The following MNAT1 variants were observed in gnomAD, a reference collection of about 807,000 sequenced individuals.
MNAT1 encodes the protein MNAT1 component of CDK activating kinase.
In MNAT1, 43 loss-of-function variants were observed where a neutral mutation model predicts 42.0. The ratio of observed to expected loss-of-function variants is 1.02; its 90% CI spans 0.80 to 1.32. The LOEUF is 1.32. Among genes scored for constraint, MNAT1 ranks in the 40% most tolerant of loss-of-function variants. MNAT1 has a pLI of 0.00. For missense variants in MNAT1, 306 were observed against 350.4 expected (o/e 0.87, Z 1.01); for synonymous variants, 118 against 120.0 (o/e 0.98, Z 0.11).
chr14:60,925,484 C>T (rs1036591945), intron 7 of MNAT1, among the ~76,000 whole-genome samples: 1 of 152,092 alleles, frequency 6.6e-6, no homozygotes, highest in Admixed American at 6.5e-5. Context: ...TCTAGTTATA[C>T]CATGTTCTTC....
At chr14:60,737,035 T>C (rs1489171850) in intron 1 of MNAT1, among the ~76,000 whole-genome samples, 6 of 152,162 alleles carry the variant, frequency 3.9e-5, no homozygotes, top group Non-Finnish European at 7.4e-5. Context: ...ATAAGGACTC[T>C]GTTGTAATTT....
At chr14:60,926,445 G>A (rs976539778) in intron 7 of MNAT1, among the ~76,000 whole-genome samples, 3 of 152,156 alleles carry the variant, frequency 2.0e-5, no homozygotes, top group Non-Finnish European at 4.4e-5. Context: ...CTATACTTCC[G>A]ACCAAACCAG....
intron 1 of MNAT1, among the ~76,000 whole-genome samples, chr14:60,770,428 T>C (rs182885273): frequency 3.2e-4 from 48 of 152,350 alleles, no homozygotes; most frequent in South Asian, 2.1e-4. Context: ...TTGAATTCTT[T>C]GGAATATTTA....
At chr14:60,914,280 G>C (rs2035461369) in intron 7 of MNAT1, among the ~76,000 whole-genome samples, 1 of 152,204 alleles carries the variant, frequency 6.6e-6, no homozygotes, top group South Asian at 2.1e-4. Context: ...TCCCGGGTGA[G>C]GCGATGCCTT....
chr14:60,839,117 T>C (rs1367696812), intron 6 of MNAT1, among the ~76,000 whole-genome samples: 1 of 152,138 alleles, frequency 6.6e-6, no homozygotes, highest in Non-Finnish European at 1.5e-5. Context: ...GATGAAATCC[T>C]ACATTCAAGC....
chr14:60,932,728 C>T (rs2035915657), intron 7 of MNAT1, among the ~76,000 whole-genome samples: 1 of 151,938 alleles, frequency 6.6e-6, no homozygotes, highest in South Asian at 2.1e-4. Flanking sequence ...CAGTTGTTAT[C>T]TATTTCTTAT....
chr14:60,846,423 T>C (rs886127330), intron 6 of MNAT1, among the ~76,000 whole-genome samples: 10 of 152,110 alleles, frequency 6.6e-5, no homozygotes, highest in Admixed American at 5.2e-4. Context: ...ATTTCATTGA[T>C]CTCCATTCTA....
At chr14:60,958,070 C>T (rs907244295) in intron 7 of MNAT1, among the ~76,000 whole-genome samples, 7 of 152,184 alleles carry the variant, frequency 4.6e-5, no homozygotes, top group African/African-American at 1.7e-4. Context: ...CTTCCGACCT[C>T]AGGTGATCTG....
chr14:60,884,709 C>T (rs1237693722), intron 7 of MNAT1, among the ~76,000 whole-genome samples: 1 of 151,938 alleles, frequency 6.6e-6, no homozygotes, highest in Non-Finnish European at 1.5e-5. Flanking sequence ...TTTTAGTTTT[C>T]CTACTTAAGA....
chr14:60,832,548 G>C (rs188072033), intron 6 of MNAT1, among the ~76,000 whole-genome samples: 1 of 152,146 alleles, frequency 6.6e-6, no homozygotes, highest in Non-Finnish European at 1.5e-5. Context: ...TATCTGTTTT[G>C]GTACCAGTAC....
intron 3 of MNAT1, chr14:60,799,135 T>G (rs1042947139): frequency 1.9e-6 from 1 of 537,316 alleles, no homozygotes; most frequent in African/African-American, 2.1e-5. Context: ...TAAGTTCATT[T>G]GTTATGCCAT....
At chr14:60,742,612 C>A (rs574487810) in intron 1 of MNAT1, among the ~76,000 whole-genome samples, 1 of 152,146 alleles carries the variant, frequency 6.6e-6, no homozygotes, top group Non-Finnish European at 1.5e-5. Context: ...TACATATTAC[C>A]CCACAAAGAT....
At chr14:60,829,909 A>G (rs1413962769) in intron 6 of MNAT1, among the ~76,000 whole-genome samples, 1 of 152,212 alleles carries the variant, frequency 6.6e-6, no homozygotes, top group Non-Finnish European at 1.5e-5. Context: ...TCTGCCTATC[A>G]GTAGAGTTTT....
chr14:60,920,777 A>G (rs1316749145), intron 7 of MNAT1, among the ~76,000 whole-genome samples: 1 of 152,154 alleles, frequency 6.6e-6, no homozygotes, highest in East Asian at 1.9e-4. Flanking sequence ...TCAAGTAGAG[A>G]TGACTTTATT....
intron 7 of MNAT1, among the ~76,000 whole-genome samples, chr14:60,923,945 A>G (rs1374368757): frequency 6.6e-6 from 1 of 152,200 alleles, no homozygotes; most frequent in Non-Finnish European, 1.5e-5. Flanking sequence ...AAAACAAAAC[A>G]AGATAAAAAC....
chr14:60,855,743 C>G (rs2033942567), intron 6 of MNAT1, among the ~76,000 whole-genome samples: 1 of 152,136 alleles, frequency 6.6e-6, no homozygotes, highest in African/African-American at 2.4e-5. Context: ...GTAGCTGTTC[C>G]TGTTCAGCCA....
intron 6 of MNAT1, among the ~76,000 whole-genome samples, chr14:60,852,029 T>C (rs936175009): frequency 1.6e-4 from 24 of 152,184 alleles, no homozygotes; most frequent in African/African-American, 2.4e-5. Context: ...CATGTGTCTT[T>C]ATAGTAGAAG....
At chr14:60,797,114 A>C (rs1037324785) in intron 2 of MNAT1, among the ~76,000 whole-genome samples, 2 of 152,050 alleles carry the variant, frequency 1.3e-5, no homozygotes, top group Admixed American at 1.3e-4. Context: ...ATGAGAAATA[A>C]TTGATATGTT....
At chr14:60,942,447 T>TC (rs1409654647) in intron 7 of MNAT1, among the ~76,000 whole-genome samples, 1 of 151,516 alleles carries the variant, frequency 6.6e-6, no homozygotes, top group Admixed American at 6.6e-5. Flanking sequence ...CTCTTAATTT[T>TC]TTTTTTTTTT....
Sources: allele counts gnomAD v4.1 joint callset (sites outside exome capture counted in the v4.1 genomes callset), GRCh38; gene constraint gnomAD v4.1.1; transcripts MANE v1.5; gene names NCBI Gene and HGNC (gene_info 2026-07-23, HGNC 2026-07-21).